The following IQUB variants were observed in gnomAD, a reference collection of about 807,000 sequenced individuals.
IQUB encodes the protein IQ motif and ubiquitin-like domain-containing protein.
IQUB carries 86 observed loss-of-function variants against 86.4 expected under a neutral mutation model. That is an observed-to-expected ratio of 1.00 (90% CI 0.84 to 1.19). The LOEUF (loss-of-function observed/expected upper bound fraction) is 1.19. Ranked by LOEUF, IQUB falls within the 50% of genes most tolerant of loss-of-function variation. IQUB has a pLI of 0.00. For synonymous variants in IQUB, 289 were observed against 304.5 expected (o/e 0.95, Z 0.53); for missense variants, 946 against 916.9 (o/e 1.03, Z -0.41).
chr7:123,493,721 A>AT (rs1795578890), intron 7 of IQUB, among the ~76,000 whole-genome samples: 1 of 128,346 alleles, frequency 7.8e-6, no homozygotes, highest in African/African-American at 3.1e-5. Flanking sequence ...CCTGAGAGAA[A>AT]TGTGTGTGTA....
At chr7:123,466,479 ATC>A (rs1210416687) in intron 9 of IQUB, among the ~76,000 whole-genome samples, 1 of 151,936 alleles carries the variant, frequency 6.6e-6, no homozygotes, top group African/African-American at 2.4e-5. Flanking sequence ...CTCCCTACCT[ATC>A]TCTGTCTTTC....
chr7:123,513,117 G>C (rs1215944164), intron 1 of IQUB, among the ~76,000 whole-genome samples: 6 of 152,154 alleles, frequency 3.9e-5, no homozygotes, highest in African/African-American at 9.7e-5. Context: ...ATGAAACCTT[G>C]AAACAGTAGT....
intron 1 of IQUB, among the ~76,000 whole-genome samples, chr7:123,519,349 T>C (rs1166876899): frequency 6.6e-6 from 1 of 152,166 alleles, no homozygotes; most frequent in Non-Finnish European, 1.5e-5. Flanking sequence ...TGAAGAGATA[T>C]CTGCACTCCC....
At chr7:123,527,702 C>A (rs375117817) in intron 1 of IQUB, among the ~76,000 whole-genome samples, 1 of 152,130 alleles carries the variant, frequency 6.6e-6, no homozygotes, top group Non-Finnish European at 1.5e-5. Context: ...GCTGGGAGAA[C>A]CACTGCTCTC....
At chr7:123,508,328 G>C (rs1302307452) in intron 3 of IQUB, among the ~76,000 whole-genome samples, 3 of 152,164 alleles carry the variant, frequency 2.0e-5, no homozygotes, top group African/African-American at 4.8e-5. Context: ...TGGATTTTTT[G>C]CCTCCAGAAC....
intron 1 of IQUB, among the ~76,000 whole-genome samples, chr7:123,518,900 T>A (rs1051579279): frequency 6.7e-6 from 1 of 149,428 alleles, no homozygotes; most frequent in African/African-American, 2.5e-5. Context: ...GGCCTGTTAC[T>A]ACAAATCTTT....
rs143732923 is a variant in IQUB at position 123,503,333 on chromosome 7, A to T, written c.563T>A (p.Val188Glu). The T allele has an allele frequency of 1.1e-4, 174 of 1,544,266 alleles. No homozygotes were observed. The highest frequency in any genetic ancestry group is 1.5e-4 in the Non-Finnish European group (167 of 1,146,724). The change falls in exon 4 of 13, where the codon GTA becomes GAA. Residue 188 changes from valine to glutamate, a missense_variant. Val to Glu is a moderately radical substitution (Grantham distance 121). Coordinates refer to ENST00000324698, the MANE Select transcript of IQUB (RefSeq NM_178827.5). ...TTCCTGTGGCTTAACTCCATGTTGTACTAGAGTCTCATTATTTTTAAGAAT... is the reference window on the plus strand; with the variant it reads ...TTCCTGTGGCTTAACTCCATGTTGTTCTAGAGTCTCATTATTTTTAAGAAT... ...GKILKNNETL[V>E]QHGVKPQEIV...
chr7:123,463,960 A>T lies in IQUB; in HGVS notation c.1758+873T>A, dbSNP rs142473666. On this transcript the variant is annotated intron_variant, in intron 10 of 12. Transcript: ENST00000324698. ...TCCCTTGGACTTTTGTTATATTTTA[A>T]TATTCTTTTTGCAATACAATCAGGT... is the stretch of plus-strand genomic sequence containing the variant. Among the ~76,000 whole-genome samples the T allele has an allele frequency of 4.6e-4, 70 of 151,822 alleles. 2 individuals are homozygous for T. The East Asian group carries it at 0.011, about 23-fold the overall frequency.
intron 1 of IQUB, among the ~76,000 whole-genome samples, chr7:123,527,707 G>C (rs1331283042): frequency 2.0e-5 from 3 of 152,144 alleles, no homozygotes. Context: ...GAGAACCACT[G>C]CTCTCTTCAA....
chr7:123,518,794 A>G (rs1329671534), intron 1 of IQUB, among the ~76,000 whole-genome samples: 2 of 152,030 alleles, frequency 1.3e-5, no homozygotes, highest in African/African-American at 2.4e-5. Context: ...CAGTTTCACT[A>G]TGTTGGCCAG....
At chr7:123,469,116 A>T (rs1794403934) in intron 9 of IQUB, 98 bp downstream of exon 9, 1 of 889,084 alleles carries the variant, frequency 1.1e-6, no homozygotes, top group Admixed American at 3.0e-5. Context: ...ATACCAAAAC[A>T]ATTCTTAATG....
chr7:123,496,635 C>G (rs1795717366), intron 7 of IQUB, 61 bp downstream of exon 7: 1 of 999,012 alleles, frequency 1.0e-6, no homozygotes, highest in Admixed American at 3.0e-5. Context: ...TGCAGTAAAT[C>G]TGTTTTTCCT....
In IQUB at chr7:123,520,643, C is replaced by T. The variant is rs958529575; in HGVS notation, c.-4-8299G>A. On this transcript the variant is annotated intron_variant, in intron 1 of 12. Coordinates refer to ENST00000324698, the MANE Select transcript of IQUB (RefSeq NM_178827.5). The stretch of plus-strand genomic sequence containing the variant: ...AGAGAGCAGTGAGTTAAGAAAAGAG[C>T]AATAGAAGATGAAGCTAGAGACGAG... Among the ~76,000 whole-genome samples the T allele has an allele frequency of 2.0e-5, 3 of 151,994 alleles. 1 individual carries two copies. The highest frequency in any genetic ancestry group is 3.9e-4 in the East Asian group (2 of 5,182).
chr7:123,452,863 A>C lies in IQUB; in HGVS notation c.2256T>G (p.Phe752Leu), dbSNP rs1793492056. ...KHKHILAKNY[F>L]SQVPVLASFI... Reference sequence around the variant, plus strand: ...ATGAAGCCAGCACTGGAACCTGAGAAAAATAGTTCTTAGCCAGGATATGTT... The same window carrying C: ...ATGAAGCCAGCACTGGAACCTGAGACAAATAGTTCTTAGCCAGGATATGTT... Residue 752 changes from phenylalanine (F) to leucine (L), a missense_variant, in exon 13 of 13, where the codon TTT becomes TTG. Physicochemically the swap from Phe to Leu is conservative, Grantham distance 22. Coordinates refer to ENST00000324698, the MANE Select transcript of IQUB (RefSeq NM_178827.5). The C allele has an allele frequency of 6.2e-7, 1 of 1,613,570 alleles. No homozygotes were observed. The highest frequency in any genetic ancestry group is 1.7e-5 in the Admixed American group (1 of 59,986).
chr7:123,491,789 T>C (rs750265691), intron 7 of IQUB, among the ~76,000 whole-genome samples: 2 of 152,186 alleles, frequency 1.3e-5, no homozygotes, highest in Non-Finnish European at 2.9e-5. Flanking sequence ...CGAACTGTTT[T>C]AGAAAATTGA....
At chr7:123,473,889 T>A (rs1032952303) in intron 8 of IQUB, among the ~76,000 whole-genome samples, 4 of 152,092 alleles carry the variant, frequency 2.6e-5, no homozygotes, top group Non-Finnish European at 5.9e-5. Context: ...CCAGCCAAGT[T>A]TTTAATATTT....
chr7:123,525,678 G>C (rs1797167087), intron 1 of IQUB, among the ~76,000 whole-genome samples: 1 of 152,098 alleles, frequency 6.6e-6, no homozygotes, highest in East Asian at 1.9e-4. Flanking sequence ...ATTTTTTGAA[G>C]GGTTTTTTGT....
intron 7 of IQUB, among the ~76,000 whole-genome samples, chr7:123,484,019 T>C (rs1795113967): frequency 6.6e-6 from 1 of 152,062 alleles, no homozygotes; most frequent in African/African-American, 2.4e-5. Flanking sequence ...TTTCATAATA[T>C]CTAGTTTTAT....
rs1397372614 is a variant in IQUB at position 123,524,705 on chromosome 7, C to T, written c.-5+9787G>A. ...AATAGCCTTTATTTCCTTCTCCTGC[C>T]TAATTGCCCTGGCCAGAACTTCCAA... is the stretch of plus-strand genomic sequence containing the variant. On this transcript the variant is annotated intron_variant, in intron 1 of 12. Coordinates refer to ENST00000324698, the MANE Select transcript of IQUB (RefSeq NM_178827.5). 2.0e-5 allele frequency among the ~76,000 whole-genome samples: 3 copies of T among 150,288 alleles called. No individual in the cohort carries two copies. The East Asian group carries it at 5.9e-4, about 29-fold the overall frequency.
Sources: gnomAD v4.1 joint callset for allele counts (sites outside exome capture counted in the v4.1 genomes callset) on GRCh38, gnomAD v4.1.1 for gene constraint, MANE v1.5 for transcripts, NCBI Gene and HGNC (gene_info 2026-07-23, HGNC 2026-07-21) for gene names.